The following TTLL7 variants were observed in gnomAD, a reference collection of about 807,000 sequenced individuals.
The protein encoded by TTLL7 is tubulin polyglutamylase TTLL7.
Under a neutral mutation model 120.2 loss-of-function variants are expected in TTLL7, and 53 were observed. The observed-to-expected ratio is 0.44, with a 90% confidence interval of 0.35 to 0.55. TTLL7 has a LOEUF of 0.55. Ranked by LOEUF, TTLL7 falls within the 20% of genes least tolerant of loss-of-function variation. TTLL7 has a pLI of 0.00. For synonymous variants in TTLL7, 353 were observed against 351.7 expected (o/e 1.00, Z -0.04); for missense variants, 803 against 1,054.7 (o/e 0.76, Z 3.31).
At chr1:83,908,380 T>G (rs1010819016) in intron 15 of TTLL7, among the ~76,000 whole-genome samples, 1 of 151,600 alleles carries the variant, frequency 6.6e-6, no homozygotes, top group Non-Finnish European at 1.5e-5. Flanking sequence ...CCTAACGGAG[T>G]TTAAATACAG....
intron 20 of TTLL7, among the ~76,000 whole-genome samples, chr1:83,880,488 C>T (rs926441351): frequency 1.3e-5 from 2 of 151,800 alleles, no homozygotes; most frequent in African/African-American, 4.8e-5. Flanking sequence ...TATTATACTC[C>T]CCAAGTTTTT....
intron 18 of TTLL7, among the ~76,000 whole-genome samples, chr1:83,895,335 A>G (rs1293122500): frequency 6.6e-6 from 1 of 152,056 alleles, no homozygotes; most frequent in Non-Finnish European, 1.5e-5. Flanking sequence ...GACAAGGTAA[A>G]AAATCATTGA....
At chr1:83,983,230 C>T (rs1652138493) in intron 1 of TTLL7, among the ~76,000 whole-genome samples, 1 of 152,074 alleles carries the variant, frequency 6.6e-6, no homozygotes, top group Non-Finnish European at 1.5e-5. Flanking sequence ...ACTCGAGAGG[C>T]TGAGGCATGA....
At chr1:83,994,872 T>C (rs560062559) in intron 1 of TTLL7, among the ~76,000 whole-genome samples, 1 of 152,330 alleles carries the variant, frequency 6.6e-6, no homozygotes, top group South Asian at 2.1e-4. Context: ...GGGAATCTGA[T>C]ATAAGAGGAT....
Position 83,947,169 on chromosome 1 carries a change from T to A in TTLL7, c.461A>T (p.Gln154Leu), listed in dbSNP as rs765227428. ...AGCTGGTTTCACTATAAAAGTTTTC[T>A]GCTTCCGTTTTTTCTTCAATTCTTT... ...YVKELKKKRK[Q>L]KTFIVKPANG... The change falls in exon 6 of 21, where the codon CAG becomes CTG. Residue 154 changes from glutamine to leucine, a missense_variant. Coordinates refer to ENST00000260505, the MANE Select transcript of TTLL7 (RefSeq NM_024686.6). The A allele has an allele frequency of 2.5e-6, 4 of 1,613,516 alleles. No homozygotes were observed. In the South Asian group the frequency reaches 4.4e-5, roughly 18 times the overall value.
intron 20 of TTLL7, among the ~76,000 whole-genome samples, chr1:83,873,225 A>C (rs1361477857): frequency 6.6e-6 from 1 of 152,212 alleles, no homozygotes; most frequent in African/African-American, 2.4e-5. Context: ...TAAAAAAAGC[A>C]TATAAAATTA....
chr1:83,947,347 G>A, intron 5 of TTLL7, 65 bp from the exon 6 acceptor site: 1 of 1,404,466 alleles, frequency 7.1e-7, no homozygotes, highest in Non-Finnish European at 9.7e-7. Context: ...TCTTTCTCTG[G>A]GCTACTGATA....
intron 19 of TTLL7, among the ~76,000 whole-genome samples, chr1:83,889,434 C>T (rs776350091): frequency 1.3e-5 from 2 of 151,946 alleles, no homozygotes; most frequent in South Asian, 2.1e-4. Context: ...CTGCTAGAGA[C>T]ATCAGAGTTT....
At chr1:83,931,152 C>T (rs1571223978) in intron 9 of TTLL7, among the ~76,000 whole-genome samples, 1 of 151,804 alleles carries the variant, frequency 6.6e-6, no homozygotes. Flanking sequence ...TCATTTCCTA[C>T]CCCAATTCTA....
chr1:83,906,634 T>C, intron 16 of TTLL7, 171 bp from the exon 17 acceptor site: 1 of 834,872 alleles, frequency 1.2e-6, no homozygotes, highest in South Asian at 1.6e-5. Context: ...TAAATGGATA[T>C]GAATCCCAAG....
At chr1:83,951,298 G>A (rs568612483) in intron 3 of TTLL7, among the ~76,000 whole-genome samples, 136 of 151,650 alleles carry the variant, frequency 9.0e-4, no homozygotes, top group Non-Finnish European at 1.6e-3. Flanking sequence ...GCAGTGAGCC[G>A]AGATTGCGCC....
At chr1:83,958,393 G>A (rs889130686) in intron 1 of TTLL7, among the ~76,000 whole-genome samples, 6 of 152,008 alleles carry the variant, frequency 3.9e-5, no homozygotes, top group African/African-American at 1.4e-4. Context: ...AATAACAAAT[G>A]TAACAAAAAA....
intron 1 of TTLL7, among the ~76,000 whole-genome samples, chr1:83,967,797 T>C (rs1259230666): frequency 1.3e-5 from 2 of 151,644 alleles, no homozygotes; most frequent in Non-Finnish European, 2.9e-5. Context: ...TAAAACTGGA[T>C]CCAAAATGGC....
At chr1:83,885,104 T>A (rs1654870990) in intron 19 of TTLL7, 1 of 292,110 alleles carries the variant, frequency 3.4e-6, no homozygotes, top group Non-Finnish European at 5.1e-6. Context: ...GCTGGAAAAA[T>A]TAATTAGGGA....
chr1:83,934,305 T>G (rs1278584981), intron 8 of TTLL7, among the ~76,000 whole-genome samples: 1 of 152,144 alleles, frequency 6.6e-6, no homozygotes, highest in Non-Finnish European at 1.5e-5. Context: ...TTTCTATATG[T>G]TAAAAACAAG....
At chr1:83,903,974 A>G in intron 18 of TTLL7, 105 bp downstream of exon 18, 1 of 839,878 alleles carries the variant, frequency 1.2e-6, no homozygotes, top group Non-Finnish European at 2.0e-6. Flanking sequence ...TGAAGAAATG[A>G]GTAAACAAAT....
intron 9 of TTLL7, among the ~76,000 whole-genome samples, chr1:83,932,817 T>G (rs975955728): frequency 6.6e-6 from 1 of 152,120 alleles, no homozygotes; most frequent in Non-Finnish European, 1.5e-5. Flanking sequence ...AAACATGATA[T>G]TTAAGCGGCC....
chr1:83,937,207 T>A (rs1483412441), intron 8 of TTLL7, among the ~76,000 whole-genome samples: 2 of 60,076 alleles, frequency 3.3e-5, no homozygotes, highest in Non-Finnish European at 1.2e-4. Context: ...GTACGGTAAT[T>A]TTTTTTTTTT....
At chr1:83,889,338 A>G (rs2100723449) in intron 19 of TTLL7, among the ~76,000 whole-genome samples, 1 of 152,198 alleles carries the variant, frequency 6.6e-6, no homozygotes, top group Admixed American at 6.5e-5. Context: ...CGTGGGGATT[A>G]TGGGAACTAC....
Sources: gnomAD v4.1 joint callset for allele counts (sites outside exome capture counted in the v4.1 genomes callset) on GRCh38, gnomAD v4.1.1 for gene constraint, MANE v1.5 for transcripts, NCBI Gene and HGNC (gene_info 2026-07-23, HGNC 2026-07-21) for gene names.